Variants in C9 observed in about 807,000 individuals in gnomAD.
C9 encodes the protein complement component C9.
Under a neutral mutation model 65.4 loss-of-function variants are expected in C9, and 63 were observed. The ratio of observed to expected loss-of-function variants is 0.96; its 90% CI spans 0.79 to 1.19. The LOEUF (loss-of-function observed/expected upper bound fraction) is 1.19. Among genes scored for constraint, C9 ranks in the 50% most tolerant of loss-of-function variants. C9 has a pLI of 0.00. For missense variants in C9, 744 were observed against 670.1 expected (o/e 1.11, Z -1.22); for synonymous variants, 229 against 227.9 (o/e 1.00, Z -0.04).
At position 39,363,453 on chromosome 5, in the gene C9, C is replaced by T. The variant is rs180966997; in HGVS notation, c.77+935G>A. Among the ~76,000 whole-genome samples, 244 of 152,270 alleles carry T rather than the reference C, an allele frequency of 1.6e-3. 5 individuals are homozygous for T. The highest frequency in any genetic ancestry group is 5.4e-3 in the African/African-American group (224 of 41,564). ...AGACGGGCATCAAAGTTCAAAACAG[C>T]ATTTGGGTAAACCAAGAGTCAAATG... On this transcript the variant is annotated intron_variant, in intron 1 of 10. Transcript: ENST00000263408.
intron 5 of C9, among the ~76,000 whole-genome samples, chr5:39,320,259 T>G (rs1035551225): frequency 6.6e-6 from 1 of 151,930 alleles, no homozygotes; most frequent in African/African-American, 2.4e-5. Flanking sequence ...GACAGAAGAC[T>G]AGATGAAATC....
In C9 at chr5:39,299,758, G is replaced by C. The variant is rs116206616; in HGVS notation, c.1416+6859C>G. ...TTTCATGGTGGTTTCATGATTGTAAGTGTTTGTGGAAACCTAGGGCCCTTT... is the reference window on the plus strand; with the variant it reads ...TTTCATGGTGGTTTCATGATTGTAACTGTTTGTGGAAACCTAGGGCCCTTT... On this transcript the variant is annotated intron_variant, in intron 9 of 10. Coordinates refer to ENST00000263408, the MANE Select transcript of C9 (RefSeq NM_001737.5). Among the ~76,000 whole-genome samples, 1,313 of 151,964 alleles carry C rather than the reference G, an allele frequency of 8.6e-3. 27 individuals carry two copies. Among genetic ancestry groups the C allele is most frequent in the African/African-American group, 0.03 (1,244 of 41,380 alleles).
rs1372160428 is a variant in C9, at chr5:39,311,383, T to G, written c.871-6A>C. On this transcript the variant is annotated splice_region_variant and splice_polypyrimidine_tract_variant and intron_variant, in intron 6 of 10. Coordinates refer to ENST00000263408, the MANE Select transcript of C9 (RefSeq NM_001737.5). ...ACATGCAGAAACATTTTTTCCTGTG[T>G]TGTAGAGCAGATGAAGAAGAGAAAC... is the stretch of plus-strand genomic sequence containing the variant. 3.1e-6 allele frequency: 5 copies of G among 1,610,950 alleles called. No individual in the cohort carries two copies. The South Asian group carries it at 5.5e-5, about 18-fold the overall frequency.
At chr5:39,286,805 A>G (rs1324028852) in intron 10 of C9, among the ~76,000 whole-genome samples, 1 of 152,026 alleles carries the variant, frequency 6.6e-6, no homozygotes, top group African/African-American at 2.4e-5. Flanking sequence ...CAATCATTCT[A>G]AAATTTAAAT....
intron 1 of C9, among the ~76,000 whole-genome samples, chr5:39,356,474 G>A (rs1229931084): frequency 6.6e-6 from 1 of 152,220 alleles, no homozygotes; most frequent in Non-Finnish European, 1.5e-5. Flanking sequence ...TAAACATATA[G>A]CAGCCCCAGG....
Position 39,339,774 on chromosome 5 carries a change from C to T in C9, c.476+1372G>A, listed in dbSNP as rs968875095. On this transcript the variant is annotated intron_variant, in intron 4 of 10. Coordinates refer to ENST00000263408, the MANE Select transcript of C9 (RefSeq NM_001737.5). The stretch of plus-strand genomic sequence containing the variant: ...TCCTGGGTTCACACCATTCTCCTGC[C>T]TCAGCCTCCCAAGTAGCTGGGACTA... Among the ~76,000 whole-genome samples the T allele has an allele frequency of 7.5e-4, 113 of 150,312 alleles. 1 individual carries two copies. The highest frequency in any genetic ancestry group is 7.5e-3 in the Admixed American group (112 of 14,924).
In C9 at chr5:39,305,770, T is replaced by C. The variant is rs184153953; in HGVS notation, c.1416+847A>G. ...CAAAGGGTTTGTAAGCTGAAAACTA[T>C]TATAATCAAGATAGAAAAAGGAAAA... On this transcript the variant is annotated intron_variant, in intron 9 of 10. Transcript: ENST00000263408. Among the ~76,000 whole-genome samples, 117 of 152,208 alleles carry C rather than the reference T, an allele frequency of 7.7e-4. 1 individual carries two copies. The highest frequency in any genetic ancestry group is 2.7e-3 in the African/African-American group (114 of 41,534).
intron 1 of C9, among the ~76,000 whole-genome samples, chr5:39,352,822 G>T (rs535008682): frequency 3.3e-5 from 5 of 150,478 alleles, no homozygotes; most frequent in Non-Finnish European, 7.4e-5. Context: ...CCACTCTTGT[G>T]ATGAAGTCTA....
At chr5:39,297,725 T>C (rs1480636857) in intron 9 of C9, among the ~76,000 whole-genome samples, 1 of 151,658 alleles carries the variant, frequency 6.6e-6, no homozygotes, top group Admixed American at 6.6e-5. Context: ...AAGCTCAAAC[T>C]GATAGAACTG....
At chr5:39,297,374 TTTTAA>T (rs1215682672) in intron 9 of C9, among the ~76,000 whole-genome samples, 3 of 151,504 alleles carry the variant, frequency 2.0e-5, no homozygotes, top group African/African-American at 4.8e-5. Context: ...CAAGTACAGA[TTTTAA>T]TTTAACTGTT....
chr5:39,357,245 T>G (rs1451540937), intron 1 of C9, among the ~76,000 whole-genome samples: 1 of 152,242 alleles, frequency 6.6e-6, no homozygotes, highest in Non-Finnish European at 1.5e-5. Flanking sequence ...ATAATGTGGC[T>G]TCTTTGAGGG....
At chr5:39,331,635 G>A (rs1753841137) in intron 5 of C9, 41 bp downstream of exon 5, 1 of 1,594,728 alleles carries the variant, frequency 6.3e-7, no homozygotes, top group Non-Finnish European at 8.6e-7. Flanking sequence ...CAATTTTTCA[G>A]CCAAAAGTTG....
chr5:39,345,227 C>A (rs985344628), intron 1 of C9, among the ~76,000 whole-genome samples: 13 of 152,086 alleles, frequency 8.5e-5, no homozygotes, highest in African/African-American at 3.1e-4. Context: ...CACAGACTGG[C>A]AAATTGGATA....
intron 4 of C9, among the ~76,000 whole-genome samples, chr5:39,338,295 C>A (rs1027702601): frequency 6.6e-6 from 1 of 151,992 alleles, no homozygotes; most frequent in Non-Finnish European, 1.5e-5. Context: ...TGTGAGGGAA[C>A]CGCTGTGGGT....
At chr5:39,338,968 T>C (rs758780482) in intron 4 of C9, among the ~76,000 whole-genome samples, 2 of 152,226 alleles carry the variant, frequency 1.3e-5, no homozygotes, top group Non-Finnish European at 2.9e-5. Context: ...TAAATTTGCA[T>C]TGAATGAGAA....
intron 5 of C9, among the ~76,000 whole-genome samples, chr5:39,317,609 C>T (rs970672373): frequency 2.0e-5 from 3 of 152,230 alleles, no homozygotes; most frequent in South Asian, 2.1e-4. Flanking sequence ...AATCCTTTTC[C>T]CATTGCTTGT....
At chr5:39,334,506 G>A (rs374085461) in intron 4 of C9, among the ~76,000 whole-genome samples, 21 of 131,502 alleles carry the variant, frequency 1.6e-4, no homozygotes, top group South Asian at 4.2e-4. Context: ...CAGCCACCCC[G>A]TCCGGGAGGG....
intron 1 of C9, among the ~76,000 whole-genome samples, chr5:39,351,319 G>T (rs2111975057): frequency 6.6e-6 from 1 of 152,290 alleles, no homozygotes; most frequent in South Asian, 2.1e-4. Context: ...TGCCCTGGAG[G>T]CATTTTCCCC....
intron 7 of C9, among the ~76,000 whole-genome samples, chr5:39,308,848 T>G (rs1445676582): frequency 6.6e-6 from 1 of 152,166 alleles, no homozygotes; most frequent in Non-Finnish European, 1.5e-5. Flanking sequence ...ATTACTCAGC[T>G]AGTAAGTTTG....
Sources: allele counts gnomAD v4.1 joint callset (sites outside exome capture counted in the v4.1 genomes callset), GRCh38; gene constraint gnomAD v4.1.1; transcripts MANE v1.5; gene names NCBI Gene and HGNC (gene_info 2026-07-23, HGNC 2026-07-21).